Variants in LRIT3 observed in about 807,000 individuals in gnomAD.
LRIT3 encodes leucine-rich repeat, immunoglobulin-like domain and transmembrane domain-containing protein 3.
In LRIT3, 14 loss-of-function variants were observed where a neutral mutation model predicts 22.6. That is an observed-to-expected ratio of 0.62 (90% confidence interval 0.41 to 0.97). The LOEUF is 0.97. Ranked by LOEUF, LRIT3 falls within the 50% of genes least tolerant of loss-of-function variation. The pLI, the probability that LRIT3 is intolerant of heterozygous loss-of-function variation, is 0.00. For missense variants in LRIT3, 783 were observed against 803.0 expected (o/e 0.98, Z 0.30); for synonymous variants, 306 against 304.5 (o/e 1.01, Z -0.05).
intron 2 of LRIT3, among the ~76,000 whole-genome samples, chr4:109,859,158 A>G (rs546643525): frequency 3.5e-4 from 53 of 152,264 alleles, no homozygotes; most frequent in Non-Finnish European, 5.9e-4. Context: ...TAATAGACAC[A>G]CACAAGATAG....
At chr4:109,853,305 G>A (rs183877136) in intron 2 of LRIT3, among the ~76,000 whole-genome samples, 58 of 152,224 alleles carry the variant, frequency 3.8e-4, no homozygotes, top group South Asian at 8.3e-4. Flanking sequence ...TCTCATTGTG[G>A]TTTTGATTTG....
At chr4:109,850,895 A>C (rs1734236980) in intron 1 of LRIT3, among the ~76,000 whole-genome samples, 1 of 152,240 alleles carries the variant, frequency 6.6e-6, no homozygotes, top group Non-Finnish European at 1.5e-5. Context: ...GGCAGAAAGC[A>C]ATGTGCAAGT....
At position 109,851,775 on chromosome 4, in the gene LRIT3, CT is replaced by C. The variant is rs1387981621; in HGVS notation, c.390del (p.Leu131Ter). Reference protein sequence around the residue: ...FPWASLLDMPLLRTLDLHNNK... With the variant: ...FPWASLLDMPXLRTLDLHNNK... ...TTGGGCATCTCTGCTGGACATGCCC[CT>C]TCTGAGGACCCTGGACTTGCACAAT... is the stretch of plus-strand genomic sequence containing the variant. On this transcript the variant is annotated frameshift_variant, in exon 2 of 4. Coordinates refer to ENST00000594814, the MANE Select transcript of LRIT3 (RefSeq NM_198506.5). LOFTEE classifies it high-confidence loss of function. 1 of 1,551,782 alleles carries C rather than the reference CT, an allele frequency of 6.4e-7. No individual in the cohort carries two copies. Among genetic ancestry groups the C allele is most frequent in the East Asian group, 2.4e-5 (1 of 40,912 alleles).
intron 2 of LRIT3, 53 bp downstream of exon 2, chr4:109,852,029 G>C: frequency 8.4e-6 from 12 of 1,433,022 alleles, no homozygotes; most frequent in Non-Finnish European, 1.1e-5. Context: ...GCTATGCATA[G>C]CTTTTTTTGT....
intron 2 of LRIT3, among the ~76,000 whole-genome samples, chr4:109,853,934 C>T (rs1177471528): frequency 6.6e-6 from 1 of 152,076 alleles, no homozygotes; most frequent in Admixed American, 6.6e-5. Flanking sequence ...TGTTCTGTTC[C>T]ATTTGTCTAT....
intron 2 of LRIT3, among the ~76,000 whole-genome samples, chr4:109,857,863 G>A (rs1260481883): frequency 3.3e-5 from 5 of 152,144 alleles, no homozygotes; most frequent in African/African-American, 1.2e-4. Flanking sequence ...AGGTCCTAAA[G>A]GCTTATATTG....
In LRIT3 at chr4:109,871,064, TAAAAA is replaced by T. The variant is rs1560596763; in HGVS notation, c.*276_*280del. On this transcript the variant is annotated 3_prime_UTR_variant, in exon 4 of 4. Coordinates refer to ENST00000594814, the MANE Select transcript of LRIT3 (RefSeq NM_198506.5). ...CTTTTTAGGGTAATGTTTTAGTTCT[TAAAAA>T]TAAGTTCATGTGAAAGTAGCAAGTG... The T allele has an allele frequency of 3.6e-6, 1 of 274,694 alleles. No individual in the cohort carries two copies. The highest frequency in any genetic ancestry group is 6.7e-6 in the Non-Finnish European group (1 of 149,220). 17.0% of individuals were successfully genotyped at this position (274,694 alleles called of 1,614,324 possible). A position where few individuals can be genotyped will look rare whatever the true frequency, so the allele number is the denominator to read the frequency against.
At position 109,870,082 on chromosome 4, in the gene LRIT3, C is replaced by T; in HGVS notation, c.1333C>T (p.His445Tyr). ...GGCCAACAAGCGATCATTCCAGCTC[C>T]ACCAAGGTGGGAAAAGAAATTTAAA... ...TMANKRSFQL[H>Y]QGGKRNLKVA... The change falls in exon 4 of 4, where the codon CAC (histidine) becomes TAC (tyrosine). Residue 445 changes from histidine (H) to tyrosine (Y), a missense_variant. By Grantham distance (83) the His-to-Tyr change is moderately conservative. Transcript: ENST00000594814. 1.2e-6 allele frequency: 2 copies of T among 1,614,174 alleles called. No homozygotes were observed. Among genetic ancestry groups the T allele is most frequent in the Middle Eastern group, 1.6e-4 (1 of 6,062 alleles).
At chr4:109,867,564 C>T (rs1734712846) in intron 2 of LRIT3, 77 bp from the exon 3 acceptor site, 4 of 1,332,850 alleles carry the variant, frequency 3.0e-6, no homozygotes, top group Non-Finnish European at 4.2e-6. Context: ...GTGTAGATCC[C>T]TACTTTCTCA....
chr4:109,867,945 A>C lies in LRIT3; in HGVS notation c.894A>C (p.Thr298=), dbSNP rs879231308. Residue 298 remains threonine, a splice_region_variant and synonymous_variant, in exon 3 of 4, where the codon ACA becomes ACC. Transcript: ENST00000594814. ...TRSDSSPVNY[T]VIQESPEEGV... is the part of the protein sequence containing the mutation. ...CTGACAGCTCGCCAGTTAATTATAC[A>C]GGTATTTTCTTAATTCAGCCCCATG... 1 of 1,605,100 alleles carries C rather than the reference A, an allele frequency of 6.2e-7. No homozygotes were observed. The highest frequency in any genetic ancestry group is 1.3e-5 in the African/African-American group (1 of 74,834).
In LRIT3 at chr4:109,867,816, A is replaced by T. The variant is rs769492328; in HGVS notation, c.765A>T (p.Ser255=). 1.2e-6 allele frequency: 2 copies of T among 1,614,202 alleles called. No individual in the cohort carries two copies. Residue 255 remains serine (S), a synonymous_variant, in exon 3 of 4, where the codon TCA becomes TCT. Transcript: ENST00000594814. ...RAELEHCLKP[S]VMTSATKIMS... ...AATTGGAGCATTGTCTGAAACCATC[A>T]GTGATGACCTCAGCCACCAAAATCA... is the stretch of plus-strand genomic sequence containing the variant.
intron 2 of LRIT3, among the ~76,000 whole-genome samples, chr4:109,864,256 CT>C (rs1309447289): frequency 3.9e-5 from 6 of 152,030 alleles, no homozygotes; most frequent in African/African-American, 1.4e-4. Flanking sequence ...CTTTCTAAAT[CT>C]TTTGATTGTT....
At chr4:109,859,844 C>T (rs1734491910) in intron 2 of LRIT3, among the ~76,000 whole-genome samples, 1 of 152,182 alleles carries the variant, frequency 6.6e-6, no homozygotes, top group African/African-American at 2.4e-5. Flanking sequence ...CTGGCATTGT[C>T]CTTACACAAT....
At chr4:109,852,858 G>A (rs1229416824) in intron 2 of LRIT3, among the ~76,000 whole-genome samples, 1 of 152,074 alleles carries the variant, frequency 6.6e-6, no homozygotes, top group East Asian at 1.9e-4. Flanking sequence ...CTGTTTCTGT[G>A]TTAGTTTGCT....
In LRIT3 at chr4:109,869,951, C is replaced by G; in HGVS notation, c.1202C>G (p.Thr401Ser). 2 of 1,614,104 alleles carry G rather than the reference C, an allele frequency of 1.2e-6. No individual in the cohort carries two copies. The highest frequency in any genetic ancestry group is 2.2e-5 in the South Asian group (2 of 91,086). Residue 401 changes from threonine to serine, a missense_variant, in exon 4 of 4, where the codon ACT (threonine) becomes AGT (serine). Around this residue, in one of 2 missense-constraint regions of LRIT3, gnomAD observed 756 missense variants for 753.8 expected, o/e 1.00. Transcript: ENST00000594814. ...FSPTSSFSAS[T>S]LSPPSTASFS... The stretch of plus-strand genomic sequence containing the variant: ...CCCACATCTTCTTTTTCTGCTTCTA[C>G]TTTGTCTCCTCCCTCTACTGCTTCC...
intron 2 of LRIT3, among the ~76,000 whole-genome samples, chr4:109,866,096 A>G (rs894540446): frequency 7.2e-5 from 11 of 152,242 alleles, no homozygotes; most frequent in Non-Finnish European, 1.6e-4. Context: ...CAATCCTGGC[A>G]GAAAAATACG....
At chr4:109,865,165 C>T in intron 2 of LRIT3, 1 of 1,455,656 alleles carries the variant, frequency 6.9e-7, no homozygotes, top group Non-Finnish European at 9.4e-7. Flanking sequence ...TTTATCTAGT[C>T]AACTCTCCCA....
At chr4:109,864,982 A>G (rs1734641154) in intron 2 of LRIT3, 4 of 1,012,390 alleles carry the variant, frequency 4.0e-6, no homozygotes, top group Non-Finnish European at 5.3e-6. Flanking sequence ...ACCTCAATCA[A>G]TAGAGATAAA....
intron 2 of LRIT3, among the ~76,000 whole-genome samples, chr4:109,860,346 T>G (rs1287288234): frequency 6.6e-6 from 1 of 152,138 alleles, no homozygotes; most frequent in Non-Finnish European, 1.5e-5. Flanking sequence ...TCTAAAATGG[T>G]GTTAATTTAG....
Sources: allele counts gnomAD v4.1 joint callset (sites outside exome capture counted in the v4.1 genomes callset), GRCh38; gene constraint gnomAD v4.1.1; regional missense constraint gnomAD v4.1.1; transcripts MANE v1.5; gene names NCBI Gene and HGNC (gene_info 2026-07-23, HGNC 2026-07-21).